The following MPP1 variants were observed in gnomAD, a reference collection of about 807,000 sequenced individuals.
The protein encoded by MPP1 is MAGUK p55 scaffold protein 1, also known as 55 kDa erythrocyte membrane protein.
A neutral mutation model predicts 38.2 loss-of-function variants in MPP1; 6 were observed. The observed-to-expected ratio is 0.16, with a 90% confidence interval of 0.09 to 0.31. The LOEUF (loss-of-function observed/expected upper bound fraction) is 0.31. MPP1 is among the 10% of genes least tolerant of loss of function. MPP1 has a pLI of 1.00. For missense variants in MPP1, 293 were observed against 368.9 expected (o/e 0.79, Z 1.69); for synonymous variants, 153 against 146.3 (o/e 1.05, Z -0.33).
At chrX:154,799,393 G>A (rs1557268427) in intron 1 of MPP1, among the ~76,000 whole-genome samples, 1 of 111,990 alleles carries the variant, frequency 8.9e-6, no homozygotes, top group East Asian at 2.8e-4. Flanking sequence ...GAGACTCTCA[G>A]AAAGGGAGGG....
intron 5 of MPP1, among the ~76,000 whole-genome samples, chrX:154,789,444 A>G (rs181575529): frequency 1.8e-5 from 2 of 112,473 alleles, no homozygotes; most frequent in African/African-American, 6.5e-5. Flanking sequence ...CTTTGCCACT[A>G]TCAATCACGG....
chrX:154,779,130 C>G lies in MPP1; in HGVS notation c.*47G>C, dbSNP rs1557266277. ...GTCTTAAAGCAAGGCGGGTGGAATT[C>G]CAAATGCTGGAGAGGGGCATACAGT... On this transcript the variant is annotated 3_prime_UTR_variant, in exon 12 of 12. Transcript: ENST00000369534. 9.5e-6 allele frequency: 11 copies of G among 1,152,958 alleles called. No homozygotes were observed. The Admixed American group carries it at 2.2e-4, about 23-fold the overall frequency.
At chrX:154,791,586 A>T in intron 3 of MPP1, 183 bp downstream of exon 3, 1 of 408,547 alleles carries the variant, frequency 2.4e-6, no homozygotes, top group Non-Finnish European at 4.3e-6. Flanking sequence ...TGGGCAATTC[A>T]CATAGAGATC....
chrX:154,803,001 C>T (rs139577146), intron 1 of MPP1, among the ~76,000 whole-genome samples: 5 of 112,594 alleles, frequency 4.4e-5, no homozygotes, highest in African/African-American at 1.6e-4. Flanking sequence ...TAGGGAGATA[C>T]TGGGTCATTA....
chrX:154,802,726 T>C (rs1024114354), intron 1 of MPP1, among the ~76,000 whole-genome samples: 3 of 111,794 alleles, frequency 2.7e-5, no homozygotes. Flanking sequence ...TATACTTAAA[T>C]AGGGGAGATA....
intron 11 of MPP1, among the ~76,000 whole-genome samples, chrX:154,780,947 C>T (rs2071985462): frequency 8.9e-6 from 1 of 112,219 alleles, no homozygotes; most frequent in Admixed American, 9.4e-5. Context: ...TGCATCCCAC[C>T]AGTATCAGGA....
chrX:154,801,788 A>G (rs1339486487), intron 1 of MPP1, among the ~76,000 whole-genome samples: 1 of 63,701 alleles, frequency 1.6e-5, no homozygotes, highest in Non-Finnish European at 2.7e-5. Flanking sequence ...AAAAAAAAAC[A>G]AAAAACAGAA....
rs781900120 is a variant in MPP1 at position 154,784,956 on chromosome X, G to A, written c.784+95C>T. ...TTCTGTAGAATGCGCCTTCTGCTGC[G>A]CACTGCACCACCTCCCCTTTTCTGC... is the stretch of plus-strand genomic sequence containing the variant. On this transcript the variant is annotated intron_variant, in intron 7 of 11. Transcript: ENST00000369534. 1.0e-4 allele frequency: 78 copies of A among 756,119 alleles called. No individual in the cohort carries two copies. The East Asian group carries it at 2.1e-3, about 21-fold the overall frequency. The allele number at this position is 756,119 out of a possible 1,213,427, so 62.3% of individuals were successfully genotyped here.
In MPP1 at chrX:154,792,155, G is replaced by C. The variant is rs1557267812; in HGVS notation, c.233C>G (p.Thr78Arg). 8.3e-7 allele frequency: 1 copy of C among 1,211,516 alleles called. No individual in the cohort carries two copies. Among genetic ancestry groups the C allele is most frequent in the Non-Finnish European group, 1.1e-6 (1 of 895,209 alleles). Residue 78 changes from threonine (T) to arginine (R), a missense_variant, in exon 2 of 12, where the codon ACA (threonine) becomes AGA (arginine). Physicochemically the swap from Thr to Arg is moderately conservative, Grantham distance 71. Transcript: ENST00000369534. Reference protein sequence around the residue: ...KVRLIQFEKVTEEPMGITLKL... With the variant: ...KVRLIQFEKVREEPMGITLKL... ...ACGGGGGATTACCATGGGCTCTTCT[G>C]TGACCTTCTCAAACTGTATGAGTCG...
At chrX:154,781,161 C>T (rs1235955312) in intron 11 of MPP1, 78 bp downstream of exon 11, 19 of 918,583 alleles carry the variant, frequency 2.1e-5, no homozygotes, top group Non-Finnish European at 2.8e-5. Flanking sequence ...AGCACTCTGG[C>T]CAATGACCTG....
At position 154,786,343 on chromosome X, in the gene MPP1, T is replaced by C; in HGVS notation, c.538A>G (p.Lys180Glu). ...DPKKDNLIPC[K>E]EAGLKFATGD... The stretch of plus-strand genomic sequence containing the variant: ...GTAGCAAACTTCAGTCCCGCCTCCT[T>C]GCAAGGGATCAGATTGTCCTTTTTG... The change falls in exon 6 of 12, where the codon AAG (lysine) becomes GAG (glutamate). Residue 180 changes from lysine to glutamate, a missense_variant. By Grantham distance (56) the Lys-to-Glu change is moderately conservative (BLOSUM62 1). Transcript: ENST00000369534. 2 of 1,211,691 alleles carry C rather than the reference T, an allele frequency of 1.7e-6. No individual in the cohort carries two copies. The highest frequency in any genetic ancestry group is 2.2e-6 in the Non-Finnish European group (2 of 895,493).
chrX:154,804,652 G>T, intron 1 of MPP1: 1 of 336,681 alleles, frequency 3.0e-6, no homozygotes. Flanking sequence ...TTGTAAACCA[G>T]CGAGTTTGGG....
chrX:154,804,079 A>C (rs1227788915), intron 1 of MPP1, among the ~76,000 whole-genome samples: 3 of 111,970 alleles, frequency 2.7e-5, no homozygotes, highest in Non-Finnish European at 5.6e-5. Context: ...GCCTCACTCG[A>C]GTGGAATATA....
At chrX:154,802,880 A>G (rs1348087173) in intron 1 of MPP1, among the ~76,000 whole-genome samples, 1 of 112,147 alleles carries the variant, frequency 8.9e-6, no homozygotes, top group African/African-American at 3.3e-5. Context: ...CTTTCAGCAA[A>G]ATAATTTTAT....
In MPP1 at chrX:154,786,666, C is replaced by A. The variant is rs957850347; in HGVS notation, c.481-266G>T. Among the ~76,000 whole-genome samples, 347 of 110,610 alleles carry A rather than the reference C, an allele frequency of 3.1e-3. 10 individuals are homozygous for A. The East Asian group carries it at 0.073, about 23-fold the overall frequency. On this transcript the variant is annotated intron_variant, in intron 5 of 11. Coordinates refer to ENST00000369534, the MANE Select transcript of MPP1 (RefSeq NM_002436.4). Reference sequence around the variant, plus strand: ...ATCCCAGCACTTTGGGAGGCCGAGGCGGGTGGAACACATGAGGCTAGGAGT... The same window carrying A: ...ATCCCAGCACTTTGGGAGGCCGAGGAGGGTGGAACACATGAGGCTAGGAGT...
intron 7 of MPP1, 156 bp downstream of exon 7, chrX:154,784,895 G>A: frequency 1.8e-6 from 1 of 541,164 alleles, no homozygotes; most frequent in Non-Finnish European, 3.2e-6. Context: ...TGTGAAGATG[G>A]ATTCAATAAA....
chrX:154,781,337 CGGGGAGGGG>C, intron 10 of MPP1, 24 bp from the exon 11 acceptor site: 1 of 830,828 alleles, frequency 1.2e-6, no homozygotes, highest in African/African-American at 2.8e-5. Context: ...AGAAGGGCGG[CGGGGAGGGG>C]GGGGAAGGAA....
chrX:154,798,820 C>A (rs1028667578), intron 1 of MPP1, among the ~76,000 whole-genome samples: 1 of 111,404 alleles, frequency 9.0e-6, no homozygotes, highest in Admixed American at 9.5e-5. Flanking sequence ...CCACAACTTC[C>A]GCCTCCTGGA....
At position 154,781,434 on chromosome X, in the gene MPP1, C is replaced by T. The variant is rs185411756; in HGVS notation, c.1150-121G>A. On this transcript the variant is annotated intron_variant, in intron 10 of 11. Coordinates refer to ENST00000369534, the MANE Select transcript of MPP1 (RefSeq NM_002436.4). ...CTAATAAGCAGCTTTGAGCTTTACC[C>T]CAATACAACTTTCCATCATTCCCAG... 351 of 779,387 alleles carry T rather than the reference C, an allele frequency of 4.5e-4. 1 individual carries two copies. In the East Asian group the frequency reaches 6.4e-3, roughly 14 times the overall value. 64.2% of individuals were successfully genotyped at this position (779,387 alleles called of 1,213,427 possible).
Sources: allele counts gnomAD v4.1 joint callset (sites outside exome capture counted in the v4.1 genomes callset), GRCh38; gene constraint gnomAD v4.1.1; transcripts MANE v1.5; gene names NCBI Gene and HGNC (gene_info 2026-07-23, HGNC 2026-07-21).